The following TBX19 variants were observed in gnomAD, a reference collection of about 807,000 sequenced individuals.
TBX19 encodes T-box transcription factor 19, also known as T-box transcription factor TBX19.
In TBX19, 33 loss-of-function variants were observed where a neutral mutation model predicts 40.9. The ratio of observed to expected loss-of-function variants is 0.81; its 90% CI spans 0.61 to 1.08. The LOEUF is 1.08. Among genes scored for constraint, TBX19 ranks in the 50% least tolerant of loss-of-function variants. The probability of loss-of-function intolerance (pLI) is 0.00; values close to 1 mark genes in which losing one functional copy is unlikely to be tolerated. For missense variants in TBX19, 494 were observed against 574.0 expected, an observed-to-expected ratio of 0.86 and a Z score of 1.42; for synonymous variants, 220 against 225.0, an observed-to-expected ratio of 0.98 and a Z score of 0.20.
chr1:168,286,453 T>C (rs757328528), intron 1 of TBX19, among the ~76,000 whole-genome samples: 1 of 152,262 alleles, frequency 6.6e-6, no homozygotes, highest in Non-Finnish European at 1.5e-5. Flanking sequence ...TTTCATATCA[T>C]GGACATTTGA....
chr1:168,282,957 T>C (rs1315464844), intron 1 of TBX19, among the ~76,000 whole-genome samples: 3 of 152,218 alleles, frequency 2.0e-5, no homozygotes, highest in Non-Finnish European at 2.9e-5. Context: ...AATTTAATAA[T>C]ATGTTACATT....
chr1:168,291,391 G>T lies in TBX19; in HGVS notation c.435G>T (p.Val145=), dbSNP rs1225749043. ...WMKAPISFSK[V]KLTNKLNGGG... ...AAGCTCCCATCTCCTTCAGCAAAGT[G>T]AAGCTGACCAACAAGCTCAATGGAG... Residue 145 remains valine, a synonymous_variant, in exon 2 of 8, where the codon GTG becomes GTT. Transcript: ENST00000367821. 6.2e-7 allele frequency: 1 copy of T among 1,614,214 alleles called. No homozygotes were observed. Among genetic ancestry groups the T allele is most frequent in the East Asian group, 2.2e-5 (1 of 44,878 alleles).
chr1:168,294,942 C>A (rs529138116), intron 3 of TBX19, among the ~76,000 whole-genome samples: 27 of 152,276 alleles, frequency 1.8e-4, no homozygotes, highest in African/African-American at 6.5e-4. Flanking sequence ...AGCCCCAACA[C>A]CATGATCAAC....
intron 2 of TBX19, among the ~76,000 whole-genome samples, chr1:168,291,841 A>G (rs1045598505): frequency 6.6e-6 from 1 of 151,582 alleles, no homozygotes; most frequent in Non-Finnish European, 1.5e-5. Context: ...AATAATTACT[A>G]CCTCCACTTG....
intron 2 of TBX19, 107 bp downstream of exon 2, chr1:168,291,531 T>C (rs767039573): frequency 3.7e-5 from 56 of 1,500,742 alleles, no homozygotes; most frequent in Non-Finnish European, 4.6e-5. Context: ...CTCACCAGCC[T>C]CTTCTCCCAC....
rs150776096 is a variant in TBX19, at chr1:168,291,917, A to G, written c.468+493A>G. Among the ~76,000 whole-genome samples the G allele has an allele frequency of 4.6e-5, 7 of 152,286 alleles. No individual in the cohort carries two copies. The East Asian group carries it at 5.8e-4, about 13-fold the overall frequency. On this transcript the variant is annotated intron_variant, in intron 2 of 7. Transcript: ENST00000367821. ...GGTTTTTCAGGAAAAAAAAATCCAA[A>G]CAAACCTTCCTTAAACAAGGAAGGT...
At position 168,305,090 on chromosome 1, in the gene TBX19, G is replaced by T; in HGVS notation, c.810G>T (p.Leu270=). 6.2e-7 allele frequency: 1 copy of T among 1,614,118 alleles called. No homozygotes were observed. The highest frequency in any genetic ancestry group is 8.5e-7 in the Non-Finnish European group (1 of 1,180,032). Residue 270 remains leucine (L), a synonymous_variant, in exon 6 of 8, where the codon CTG becomes CTT. Transcript: ENST00000367821. ...ACCAGTATGCCGCTCCTCTGCCTCT[G>T]CCTGCTCCCCACACCCACCATGGCT... The part of the protein sequence containing the change: ...SNYQYAAPLP[L]PAPHTHHGCE...
intron 1 of TBX19, among the ~76,000 whole-genome samples, chr1:168,287,323 A>G (rs1267418323): frequency 6.6e-6 from 1 of 152,182 alleles, no homozygotes; most frequent in Non-Finnish European, 1.5e-5. Flanking sequence ...AACATTTTGC[A>G]TGAGTCATTC....
intron 3 of TBX19, among the ~76,000 whole-genome samples, chr1:168,293,854 C>T (rs1649029550): frequency 6.6e-6 from 1 of 152,090 alleles, no homozygotes; most frequent in Non-Finnish European, 1.5e-5. Flanking sequence ...ACATGATCTG[C>T]TGATAATCAG....
chr1:168,297,143 C>T (rs1443291967), intron 3 of TBX19, among the ~76,000 whole-genome samples: 2 of 152,116 alleles, frequency 1.3e-5, no homozygotes, highest in Non-Finnish European at 1.5e-5. Context: ...AGAAATGAAG[C>T]AGGCTCAGGC....
intron 3 of TBX19, among the ~76,000 whole-genome samples, chr1:168,295,614 TG>T (rs1424019592): frequency 2.0e-5 from 3 of 152,236 alleles, no homozygotes; most frequent in African/African-American, 7.2e-5. Flanking sequence ...TAGCTAATAA[TG>T]TAAACAGTCC....
At position 168,291,293 on chromosome 1, in the gene TBX19, A is replaced by G. The variant is rs1648933187; in HGVS notation, c.337A>G (p.Lys113Glu). The G allele has an allele frequency of 6.2e-7, 1 of 1,614,088 alleles. No individual in the cohort carries two copies. The highest frequency in any genetic ancestry group is 1.3e-5 in the African/African-American group (1 of 74,938). ...YVNGEWVPAG[K>E]PEVSSHSCVY... ...CAACGGGGAATGGGTGCCCGCTGGC[A>G]AGCCAGAGGTCTCCAGCCACAGCTG... is the stretch of plus-strand genomic sequence containing the variant. The change falls in exon 2 of 8, where the codon AAG becomes GAG. Residue 113 changes from lysine (K) to glutamate (E), a missense_variant. Lys to Glu is a moderately conservative substitution (Grantham distance 56). Around this residue, in one of 3 missense-constraint regions of TBX19, gnomAD observed 201 missense variants for 235.2 expected, o/e 0.85. Coordinates refer to ENST00000367821, the MANE Select transcript of TBX19 (RefSeq NM_005149.3).
intron 1 of TBX19, among the ~76,000 whole-genome samples, chr1:168,282,104 A>T (rs933518210): frequency 6.6e-6 from 1 of 152,212 alleles, no homozygotes; most frequent in Admixed American, 6.5e-5. Context: ...TGGCTCCAAC[A>T]TTCAGCTGGT....
At chr1:168,295,023 T>C (rs905888886) in intron 3 of TBX19, among the ~76,000 whole-genome samples, 9 of 152,128 alleles carry the variant, frequency 5.9e-5, no homozygotes, top group Admixed American at 2.6e-4. Flanking sequence ...CCGGACGTGG[T>C]GGCTCACGTC....
chr1:168,307,799 A>T (rs1558195162), intron 6 of TBX19, among the ~76,000 whole-genome samples: 1 of 152,208 alleles, frequency 6.6e-6, no homozygotes, highest in Admixed American at 6.5e-5. Flanking sequence ...ACATATGCAT[A>T]GTGAAGTGAT....
chr1:168,292,501 A>G (rs1321919171), intron 2 of TBX19, among the ~76,000 whole-genome samples: 1 of 152,220 alleles, frequency 6.6e-6, no homozygotes, highest in Non-Finnish European at 1.5e-5. Flanking sequence ...TGAAATCCAC[A>G]CTGTTGTGCT....
rs375072522 is a variant in TBX19 at position 168,302,236 on chromosome 1, C to T, written c.727+1753C>T. Reference sequence around the variant, plus strand: ...CTTGATTCTGTTAGTCAGATGGGGACCCCTTGGGCCATAAGTTTGTGCAAC... The same window carrying T: ...CTTGATTCTGTTAGTCAGATGGGGATCCCTTGGGCCATAAGTTTGTGCAAC... On this transcript the variant is annotated intron_variant, in intron 5 of 7. Transcript: ENST00000367821. Among the ~76,000 whole-genome samples, 50 of 152,244 alleles carry T rather than the reference C, an allele frequency of 3.3e-4. No individual in the cohort carries two copies. In the East Asian group the frequency reaches 6.9e-3, roughly 21 times the overall value.
intron 7 of TBX19, among the ~76,000 whole-genome samples, chr1:168,310,909 TAA>T (rs1288338917): frequency 1.3e-5 from 2 of 148,452 alleles, no homozygotes; most frequent in Non-Finnish European, 3.0e-5. Flanking sequence ...TATATACATA[TAA>T]ATATATATAT....
At chr1:168,286,017 A>C (rs1255974291) in intron 1 of TBX19, among the ~76,000 whole-genome samples, 1 of 152,226 alleles carries the variant, frequency 6.6e-6, no homozygotes, top group Admixed American at 6.5e-5. Flanking sequence ...CCTCATTGCC[A>C]TAATAGGGAA....
Sources: allele counts gnomAD v4.1 joint callset (sites outside exome capture counted in the v4.1 genomes callset), GRCh38; gene constraint gnomAD v4.1.1; regional missense constraint gnomAD v4.1.1; transcripts MANE v1.5; gene names NCBI Gene and HGNC (gene_info 2026-07-23, HGNC 2026-07-21).